Variants in DOCK4 observed in about 807,000 individuals in gnomAD.
DOCK4 encodes the protein dedicator of cytokinesis 4.
In DOCK4, 97 loss-of-function variants were observed where a neutral mutation model predicts 268.1. The ratio of observed to expected loss-of-function variants is 0.36; its 90% CI spans 0.31 to 0.43. The LOEUF (loss-of-function observed/expected upper bound fraction) is 0.43, where lower values mean the gene tolerates loss of function less well. Among genes scored for constraint, DOCK4 ranks in the 20% least tolerant of loss-of-function variants. The probability of loss-of-function intolerance (pLI) is 1.00; values close to 1 mark genes in which losing one functional copy is unlikely to be tolerated. For missense variants in DOCK4, 2,145 were observed against 2,455.7 expected, an observed-to-expected ratio of 0.87 and a Z score of 2.67; for synonymous variants, 954 against 887.2, an observed-to-expected ratio of 1.08 and a Z score of -1.34.
At chr7:111,960,788 C>T (rs1796815640) in intron 8 of DOCK4, among the ~76,000 whole-genome samples, 1 of 152,196 alleles carries the variant, frequency 6.6e-6, no homozygotes, top group East Asian at 1.9e-4. Flanking sequence ...CTCTTTGTCT[C>T]TCTGTGCCTG....
chr7:111,839,349 T>C (rs946518563), intron 25 of DOCK4, among the ~76,000 whole-genome samples: 22 of 152,224 alleles, frequency 1.4e-4, no homozygotes, highest in African/African-American at 5.1e-4. Context: ...AGTTTTTCCA[T>C]ATCATATTCA....
At chr7:111,788,368 T>G in intron 32 of DOCK4, 1 of 336,466 alleles carries the variant, frequency 3.0e-6, no homozygotes, top group Non-Finnish European at 5.5e-6. Flanking sequence ...AATCATTATC[T>G]TGCAGGAATG....
At chr7:112,171,363 C>T (rs1818064009) in intron 1 of DOCK4, among the ~76,000 whole-genome samples, 1 of 151,936 alleles carries the variant, frequency 6.6e-6, no homozygotes, top group African/African-American at 2.4e-5. Context: ...AGAATTCTGA[C>T]CATGTCATAT....
At chr7:112,192,118 C>A (rs1188264659) in intron 1 of DOCK4, among the ~76,000 whole-genome samples, 1 of 150,814 alleles carries the variant, frequency 6.6e-6, no homozygotes, top group Admixed American at 6.6e-5. Flanking sequence ...ACTATAGTTT[C>A]TATTTATCCT....
At chr7:112,085,411 T>C (rs1808985725) in intron 1 of DOCK4, among the ~76,000 whole-genome samples, 1 of 152,032 alleles carries the variant, frequency 6.6e-6, no homozygotes, top group Non-Finnish European at 1.5e-5. Context: ...ACATCTAATA[T>C]ATAAAAACTC....
chr7:112,034,147 G>A (rs1302941427), intron 1 of DOCK4, among the ~76,000 whole-genome samples: 1 of 152,188 alleles, frequency 6.6e-6, no homozygotes, highest in Non-Finnish European at 1.5e-5. Context: ...TAAATCATCT[G>A]ACTGACTGAG....
At position 111,935,407 on chromosome 7, in the gene DOCK4, T is replaced by C. The variant is rs567223809; in HGVS notation, c.1066+133A>G. 1.3e-4 allele frequency: 96 copies of C among 757,354 alleles called. 1 individual carries two copies. Among genetic ancestry groups the C allele is most frequent in the Non-Finnish European group, 1.8e-4 (75 of 423,422 alleles). The allele number at this position is 757,354 out of a possible 1,614,324, so 46.9% of individuals were successfully genotyped here. ...ATAGGAAGACATACCAGAATGTTCA[T>C]TGAGCATTTTTAAAGTTAGGGAGTG... is the stretch of plus-strand genomic sequence containing the variant. On this transcript the variant is annotated intron_variant, in intron 12 of 52. Transcript: ENST00000428084.
chr7:111,815,573 A>C (rs1002787465), intron 27 of DOCK4, among the ~76,000 whole-genome samples: 12 of 152,158 alleles, frequency 7.9e-5, no homozygotes, highest in African/African-American at 2.9e-4. Context: ...ATGCTACCAC[A>C]AACAGCCAAA....
At chr7:112,066,791 A>G (rs1270897795) in intron 1 of DOCK4, among the ~76,000 whole-genome samples, 1 of 140,402 alleles carries the variant, frequency 7.1e-6, no homozygotes, top group Non-Finnish European at 1.5e-5. Context: ...CATATTGGTC[A>G]CCTGCAAGTG....
At position 112,097,989 on chromosome 7, in the gene DOCK4, C is replaced by T. The variant is rs1329536577; in HGVS notation, c.38-93858G>A. On this transcript the variant is annotated intron_variant, in intron 1 of 52. Coordinates refer to ENST00000428084, the MANE Select transcript of DOCK4 (RefSeq NM_001363540.2). ...AGTACAGTCTTTCAAGAAATGCCTT[C>T]CTTCTCTCTCACTCCACGTCTCAAA... Among the ~76,000 whole-genome samples, 2 of 152,176 alleles carry T rather than the reference C, an allele frequency of 1.3e-5. 1 individual carries two copies. Among genetic ancestry groups the T allele is most frequent in the Admixed American group, 1.3e-4 (2 of 15,280 alleles).
intron 25 of DOCK4, among the ~76,000 whole-genome samples, chr7:111,838,530 G>T (rs1803416367): frequency 6.6e-6 from 1 of 152,126 alleles, no homozygotes; most frequent in Non-Finnish European, 1.5e-5. Flanking sequence ...CAAATATATT[G>T]TGTCAAGACA....
At chr7:111,816,063 GTTA>G (rs1801529781) in intron 27 of DOCK4, among the ~76,000 whole-genome samples, 2 of 152,204 alleles carry the variant, frequency 1.3e-5, no homozygotes, top group African/African-American at 4.8e-5. Context: ...TGAAATCAAA[GTTA>G]TTGCTTTATG....
At chr7:112,096,327 C>A (rs561515002) in intron 1 of DOCK4, among the ~76,000 whole-genome samples, 2 of 152,064 alleles carry the variant, frequency 1.3e-5, no homozygotes, top group African/African-American at 4.8e-5. Flanking sequence ...CCACCATGCT[C>A]GTCTAATTTT....
intron 1 of DOCK4, among the ~76,000 whole-genome samples, chr7:112,049,467 G>A (rs868055961): frequency 6.6e-6 from 1 of 151,892 alleles, no homozygotes; most frequent in Non-Finnish European, 1.5e-5. Context: ...AGAAAAAGAA[G>A]AAAAGGTACA....
At chr7:111,908,930 A>G (rs747758389) in intron 13 of DOCK4, among the ~76,000 whole-genome samples, 21 of 152,176 alleles carry the variant, frequency 1.4e-4, no homozygotes, top group Non-Finnish European at 4.4e-5. Context: ...GCAATCTATC[A>G]TTGATGGGCA....
chr7:112,063,026 TAC>T (rs929737274), intron 1 of DOCK4, among the ~76,000 whole-genome samples: 32 of 152,318 alleles, frequency 2.1e-4, no homozygotes, highest in African/African-American at 7.7e-4. Context: ...GCTGTGTATC[TAC>T]ACACAGTTGC....
chr7:112,118,071 CT>C (rs1348105972), intron 1 of DOCK4, among the ~76,000 whole-genome samples: 6 of 151,992 alleles, frequency 3.9e-5, no homozygotes, highest in Non-Finnish European at 7.4e-5. Context: ...ATTCATTTTG[CT>C]TATTGAACCG....
chr7:111,900,409 C>A lies in DOCK4; in HGVS notation c.1445G>T (p.Gly482Val). The A allele has an allele frequency of 6.2e-7, 1 of 1,613,470 alleles. No individual in the cohort carries two copies. The highest frequency in any genetic ancestry group is 8.5e-7 in the Non-Finnish European group (1 of 1,179,742). ...KLPIPVDKFRGAHIRFEFRHC... is the reference protein window; with the variant it reads ...KLPIPVDKFRVAHIRFEFRHC... ...CCGAAACTCGAAGCGGATGTGTGCACCCCGGAATTTATCCACAGGAATGGG... is the reference window on the plus strand; with the variant it reads ...CCGAAACTCGAAGCGGATGTGTGCAACCCGGAATTTATCCACAGGAATGGG... The change falls in exon 15 of 53, where the codon GGT becomes GTT. Residue 482 changes from glycine to valine, a missense_variant. Gly to Val is a moderately radical substitution (Grantham distance 109, BLOSUM62 -3). Coordinates refer to ENST00000428084, the MANE Select transcript of DOCK4 (RefSeq NM_001363540.2).
rs1790985807 is a variant in DOCK4 at position 111,899,837 on chromosome 7, T to C, written c.1480+537A>G. Reference sequence around the variant, plus strand: ...TACTCAGGAGGCTGAGACAGGAGAATTGCTTGAGCCTGGGAGGCGGAAGTT... The same window carrying C: ...TACTCAGGAGGCTGAGACAGGAGAACTGCTTGAGCCTGGGAGGCGGAAGTT... On this transcript the variant is annotated intron_variant, in intron 15 of 52. Coordinates refer to ENST00000428084, the MANE Select transcript of DOCK4 (RefSeq NM_001363540.2). Among the ~76,000 whole-genome samples, 3 of 152,150 alleles carry C rather than the reference T, an allele frequency of 2.0e-5. No individual in the cohort carries two copies. In the South Asian group the frequency reaches 6.2e-4, roughly 31 times the overall value.
Sources: allele counts gnomAD v4.1 joint callset (sites outside exome capture counted in the v4.1 genomes callset), GRCh38; gene constraint gnomAD v4.1.1; transcripts MANE v1.5; gene names NCBI Gene and HGNC (gene_info 2026-07-23, HGNC 2026-07-21).